Variants in PP2D1 observed in about 807,000 individuals in gnomAD.
PP2D1 encodes the protein protein phosphatase 2C like domain containing 1.
Under a neutral mutation model 30.2 loss-of-function variants are expected in PP2D1, and 25 were observed. The ratio of observed to expected loss-of-function variants is 0.83; its 90% confidence interval spans 0.60 to 1.16. The LOEUF (loss-of-function observed/expected upper bound fraction) is 1.16. Among genes scored for constraint, PP2D1 ranks in the 50% most tolerant of loss-of-function variants. PP2D1 has a pLI of 0.00. For missense variants in PP2D1, 760 were observed against 742.4 expected (o/e 1.02, Z -0.28); for synonymous variants, 260 against 258.9 (o/e 1.00, Z -0.04).
intron 2 of PP2D1, among the ~76,000 whole-genome samples, chr3:19,991,608 G>A (rs991869465): frequency 6.6e-6 from 1 of 152,174 alleles, no homozygotes; most frequent in Admixed American, 6.5e-5. Flanking sequence ...AAGGATTTAG[G>A]AGCCTGACAG....
rs889484224 is a variant in PP2D1, at chr3:20,012,151, G to A, written c.-79C>T. On this transcript the variant is annotated 5_prime_UTR_variant, in exon 1 of 3. Coordinates refer to ENST00000389050, the MANE Select transcript of PP2D1 (RefSeq NM_001252657.2). The stretch of plus-strand genomic sequence containing the variant: ...CTATTTCTCCAACTTGAGTAGTGAT[G>A]GTGATGGTGGAGGTAGAGGTGAATG... The A allele has an allele frequency of 1.0e-5, 12 of 1,186,290 alleles. No homozygotes were observed. The East Asian group carries it at 1.5e-4, about 15-fold the overall frequency. The allele number at this position is 1,186,290 out of a possible 1,614,324, so 73.5% of individuals were successfully genotyped here.
At chr3:20,000,388 G>A (rs1697236574) in intron 2 of PP2D1, among the ~76,000 whole-genome samples, 2 of 152,152 alleles carry the variant, frequency 1.3e-5, no homozygotes, top group Non-Finnish European at 1.5e-5. Flanking sequence ...AGTATCTCAT[G>A]GAACTCAGTG....
downstream of PP2D1, among the ~76,000 whole-genome samples, chr3:19,981,207 G>A (rs1294692507): frequency 1.3e-5 from 2 of 152,204 alleles, no homozygotes; most frequent in African/African-American, 4.8e-5. Context: ...CAACTTTACA[G>A]TGGTTTGACT....
chr3:19,984,172 T>TG (rs1553640308), downstream of PP2D1: 133 of 342,986 alleles, frequency 3.9e-4, no homozygotes, highest in African/African-American at 3.4e-3. Context: ...TAGTCACCTG[T>TG]GAAAAAAAAA....
chr3:19,999,019 G>A lies in PP2D1; in HGVS notation c.1090+2011C>T, dbSNP rs183819533. 4.0e-4 allele frequency among the ~76,000 whole-genome samples: 60 copies of A among 151,338 alleles called. 1 individual carries two copies. The highest frequency in any genetic ancestry group is 2.6e-3 in the Admixed American group (39 of 15,172). On this transcript the variant is annotated intron_variant, in intron 2 of 2. Transcript: ENST00000389050. ...CAGTTTAACACCATTGTATAGGCCT[G>A]GAAATTAAATCCAACTGTTTGACCT...
chr3:20,005,175 G>A (rs973948325), intron 1 of PP2D1, among the ~76,000 whole-genome samples: 3 of 150,588 alleles, frequency 2.0e-5, no homozygotes, highest in South Asian at 2.1e-4. Context: ...TTTTTGAGAC[G>A]GAGTTTCGCT....
In PP2D1 at chr3:19,985,499, C is replaced by A; in HGVS notation, c.1774G>T (p.Gly592Cys). Reference protein sequence around the residue: ...KESDTKSFYEGAAEYVSHELV... With the variant: ...KESDTKSFYECAAEYVSHELV... ...TCATGGCTAACATACTCAGCTGCGCCTTCATAGAAACTCTTAGTGTCTGAT... is the reference window on the plus strand; with the variant it reads ...TCATGGCTAACATACTCAGCTGCGCATTCATAGAAACTCTTAGTGTCTGAT... Residue 592 changes from glycine (G) to cysteine (C), a missense_variant, in exon 3 of 3, where the codon GGC becomes TGC. By Grantham distance (159) the Gly-to-Cys change is radical. Around this residue, in one of 3 missense-constraint regions of PP2D1, gnomAD observed 369 missense variants for 316.2 expected, o/e 1.17. Transcript: ENST00000389050. 1 of 1,536,074 alleles carries A rather than the reference C, an allele frequency of 6.5e-7. No individual in the cohort carries two copies. The highest frequency in any genetic ancestry group is 8.7e-7 in the Non-Finnish European group (1 of 1,146,862).
downstream of PP2D1, chr3:19,983,799 C>A: frequency 1.2e-6 from 2 of 1,608,392 alleles, no homozygotes; most frequent in Non-Finnish European, 1.7e-6. Flanking sequence ...CACAACCAAC[C>A]AGGAATCAGT....
At chr3:19,999,514 T>C (rs1281691802) in intron 2 of PP2D1, among the ~76,000 whole-genome samples, 1 of 151,610 alleles carries the variant, frequency 6.6e-6, no homozygotes, top group African/African-American at 2.4e-5. Flanking sequence ...CCTGAGTAGC[T>C]GGGATTACAG....
chr3:19,991,006 C>G (rs192526025), intron 2 of PP2D1, among the ~76,000 whole-genome samples: 9 of 152,236 alleles, frequency 5.9e-5, no homozygotes, highest in East Asian at 5.8e-4. Flanking sequence ...TGTTGAAGAC[C>G]ACTACACAAT....
At chr3:19,987,950 T>C (rs1697062518) in intron 2 of PP2D1, among the ~76,000 whole-genome samples, 1 of 152,194 alleles carries the variant, frequency 6.6e-6, no homozygotes, top group African/African-American at 2.4e-5. Context: ...TTCATGGACA[T>C]TTATCACTTC....
intron 2 of PP2D1, among the ~76,000 whole-genome samples, chr3:19,989,143 G>A (rs1697082194): frequency 6.6e-6 from 1 of 152,106 alleles, no homozygotes; most frequent in Non-Finnish European, 1.5e-5. Flanking sequence ...AGACCAGCCT[G>A]GCCAACATGG....
intron 1 of PP2D1, among the ~76,000 whole-genome samples, chr3:20,005,750 A>G (rs988544356): frequency 1.3e-5 from 2 of 152,146 alleles, no homozygotes; most frequent in Non-Finnish European, 2.9e-5. Flanking sequence ...TATAAAAGGT[A>G]TGCATCGTCA....
intron 1 of PP2D1, among the ~76,000 whole-genome samples, chr3:20,003,740 G>A (rs2125145394): frequency 6.6e-6 from 1 of 151,968 alleles, no homozygotes; most frequent in Non-Finnish European, 1.5e-5. Flanking sequence ...GACAGAGTGA[G>A]ACTCCATCTC....
intron 1 of PP2D1, among the ~76,000 whole-genome samples, chr3:20,007,693 G>A (rs868068385): frequency 2.0e-5 from 3 of 151,320 alleles, no homozygotes; most frequent in East Asian, 1.9e-4. Context: ...GCTTGAACCC[G>A]GGAGGCGGAG....
At chr3:20,011,392 T>G (rs540930358) in intron 1 of PP2D1, among the ~76,000 whole-genome samples, 5 of 152,326 alleles carry the variant, frequency 3.3e-5, no homozygotes, top group African/African-American at 9.6e-5. Flanking sequence ...GTCAATTACT[T>G]GTATCAGAAC....
chr3:19,986,003 C>A lies in PP2D1; in HGVS notation c.1270G>T (p.Gly424Ter). 6.5e-7 allele frequency: 1 copy of A among 1,536,060 alleles called. No homozygotes were observed. The highest frequency in any genetic ancestry group is 8.7e-7 in the Non-Finnish European group (1 of 1,146,874). ...VKTTRGLGFH[G>*]NLKLKKSIIP... is the part of the protein sequence containing the mutation. ...ATGGATTTTTTCAGCTTGAGATTTC[C>A]ATGAAATCCAAGTCCTCGTGTAGTT... Residue 424 changes from glycine to a stop codon, truncating the protein, a stop_gained, in exon 3 of 3, where the codon GGA (glycine) becomes TGA (stop). Coordinates refer to ENST00000389050, the MANE Select transcript of PP2D1 (RefSeq NM_001252657.2). LOFTEE classifies it low-confidence loss of function (END_TRUNC).
intron 1 of PP2D1, among the ~76,000 whole-genome samples, chr3:20,006,943 G>T (rs964255094): frequency 6.7e-5 from 10 of 149,252 alleles, no homozygotes; most frequent in Non-Finnish European, 1.3e-4. Context: ...ATATATATAC[G>T]TATGTGTGTA....
chr3:19,997,753 G>A (rs1224971532), intron 2 of PP2D1, among the ~76,000 whole-genome samples: 1 of 152,208 alleles, frequency 6.6e-6, no homozygotes, highest in Non-Finnish European at 1.5e-5. Flanking sequence ...AGTGAAATAA[G>A]CCAGACCAGA....
Sources: gnomAD v4.1 joint callset for allele counts (sites outside exome capture counted in the v4.1 genomes callset) on GRCh38, gnomAD v4.1.1 for gene constraint, gnomAD v4.1.1 regional missense constraint, MANE v1.5 for transcripts, NCBI Gene and HGNC (gene_info 2026-07-23, HGNC 2026-07-21) for gene names.